The following AGBL1 variants were observed in gnomAD, a reference collection of about 807,000 sequenced individuals.
AGBL1 encodes the protein AGBL carboxypeptidase 1.
In AGBL1, 130 loss-of-function variants were observed where a neutral mutation model predicts 118.9. The observed-to-expected ratio is 1.09, with a 90% CI of 0.95 to 1.26. The LOEUF (loss-of-function observed/expected upper bound fraction) is 1.26. AGBL1 is among the 50% of genes most tolerant of loss of function. The pLI, the probability that AGBL1 is intolerant of heterozygous loss-of-function variation, is 0.00. For missense variants in AGBL1, 1,584 were observed against 1,298.1 expected, an observed-to-expected ratio of 1.22 and a Z score of -3.38; for synonymous variants, 555 against 478.9, an observed-to-expected ratio of 1.16 and a Z score of -2.08.
At chr15:86,435,775 G>A (rs1214122821) in intron 18 of AGBL1, among the ~76,000 whole-genome samples, 1 of 152,030 alleles carries the variant, frequency 6.6e-6, no homozygotes, top group African/African-American at 2.4e-5. Flanking sequence ...CAGTAAAGTC[G>A]TGAAGATAAT....
intron 7 of AGBL1, among the ~76,000 whole-genome samples, chr15:86,252,940 G>T (rs1211132991): frequency 1.3e-5 from 2 of 152,220 alleles, no homozygotes; most frequent in Non-Finnish European, 2.9e-5. Flanking sequence ...GCAAAGAGAA[G>T]GGAGAGAGGG....
At chr15:86,852,159 C>G (rs1439688920) in intron 22 of AGBL1, among the ~76,000 whole-genome samples, 1 of 152,058 alleles carries the variant, frequency 6.6e-6, no homozygotes, top group Non-Finnish European at 1.5e-5. Context: ...CTGGAGAGGC[C>G]TCAGGAAACT....
At chr15:86,784,794 G>A (rs984833679) in intron 22 of AGBL1, among the ~76,000 whole-genome samples, 1 of 152,148 alleles carries the variant, frequency 6.6e-6, no homozygotes, top group Admixed American at 6.5e-5. Context: ...TATAGCCCGA[G>A]TTCCTACAAG....
At chr15:86,557,234 A>G (rs968481655) in intron 21 of AGBL1, among the ~76,000 whole-genome samples, 2 of 152,174 alleles carry the variant, frequency 1.3e-5, no homozygotes, top group African/African-American at 4.8e-5. Flanking sequence ...TGTTGAGGAA[A>G]AAGCCAAAAT....
chr15:86,102,432 C>T (rs1896792187), intron 1 of AGBL1, among the ~76,000 whole-genome samples: 1 of 152,114 alleles, frequency 6.6e-6, no homozygotes, highest in Admixed American at 6.5e-5. Context: ...CTTTCATTTC[C>T]AGTTGTAGGA....
chr15:86,668,172 C>T (rs1040540087), intron 21 of AGBL1, among the ~76,000 whole-genome samples: 1 of 152,152 alleles, frequency 6.6e-6, no homozygotes, highest in Non-Finnish European at 1.5e-5. Context: ...CCCACCAGAC[C>T]CCACCTCCAA....
At chr15:86,798,240 C>G (rs2078601486) in intron 22 of AGBL1, among the ~76,000 whole-genome samples, 1 of 152,104 alleles carries the variant, frequency 6.6e-6, no homozygotes, top group South Asian at 2.1e-4. Context: ...ACAGAGTTGG[C>G]TTGGTAACAG....
intron 1 of AGBL1, among the ~76,000 whole-genome samples, chr15:86,122,648 A>G (rs543105993): frequency 3.3e-5 from 5 of 152,196 alleles, no homozygotes; most frequent in Non-Finnish European, 7.3e-5. Flanking sequence ...GCCATTCTAC[A>G]GGTTACGTTT....
At chr15:86,535,477 C>G (rs767436657) in intron 19 of AGBL1, among the ~76,000 whole-genome samples, 6 of 152,310 alleles carry the variant, frequency 3.9e-5, no homozygotes, top group Middle Eastern at 6.8e-3. Context: ...CTGTGCTGTT[C>G]AAGTAATTGG....
chr15:86,625,286 C>T (rs1400639514), intron 21 of AGBL1, among the ~76,000 whole-genome samples: 9 of 150,814 alleles, frequency 6.0e-5, no homozygotes. Flanking sequence ...GAAGGATTGG[C>T]CATGTCTTAT....
At chr15:86,759,357 A>G (rs1385616688) in intron 22 of AGBL1, among the ~76,000 whole-genome samples, 1 of 152,216 alleles carries the variant, frequency 6.6e-6, no homozygotes, top group African/African-American at 2.4e-5. Context: ...CAAAATATTT[A>G]GTTGCCCTCT....
chr15:86,241,982 G>C (rs1430826214), intron 6 of AGBL1, among the ~76,000 whole-genome samples: 1 of 152,162 alleles, frequency 6.6e-6, no homozygotes, highest in East Asian at 1.9e-4. Flanking sequence ...TGAATCATGA[G>C]AGTGGGTCTT....
intron 22 of AGBL1, among the ~76,000 whole-genome samples, chr15:86,759,932 A>T (rs1775711283): frequency 6.6e-6 from 1 of 152,108 alleles, no homozygotes; most frequent in Admixed American, 6.6e-5. Flanking sequence ...GCATTCTGAC[A>T]TTTGGAAAAA....
chr15:86,617,413 A>C (rs547082313), intron 21 of AGBL1, among the ~76,000 whole-genome samples: 28 of 152,316 alleles, frequency 1.8e-4, no homozygotes, highest in Non-Finnish European at 3.4e-4. Context: ...CTCTGACTAA[A>C]GTCAGAATGA....
intron 1 of AGBL1, among the ~76,000 whole-genome samples, chr15:86,121,672 G>C (rs767668872): frequency 2.6e-5 from 4 of 152,180 alleles, no homozygotes; most frequent in Non-Finnish European, 2.9e-5. Context: ...AGGAACCCAC[G>C]TTTCTAAAAG....
At chr15:86,636,157 C>T (rs548212583) in intron 21 of AGBL1, among the ~76,000 whole-genome samples, 6 of 152,248 alleles carry the variant, frequency 3.9e-5, no homozygotes, top group South Asian at 2.1e-4. Context: ...GTGGCAGTAT[C>T]GGAGAGGGGA....
chr15:86,942,154 C>T (rs779714772), intron 23 of AGBL1, among the ~76,000 whole-genome samples: 29 of 152,278 alleles, frequency 1.9e-4, no homozygotes, highest in African/African-American at 2.9e-4. Context: ...CACACACATA[C>T]GCAAAACATT....
chr15:86,189,112 A>C (rs1465500163), intron 5 of AGBL1, among the ~76,000 whole-genome samples: 7 of 152,238 alleles, frequency 4.6e-5, no homozygotes, highest in Non-Finnish European at 1.0e-4. Flanking sequence ...CAATTTCCTT[A>C]CTAAATTTGT....
At chr15:87,021,464 G>A (rs546086634) in intron 24 of AGBL1, among the ~76,000 whole-genome samples, 3 of 151,870 alleles carry the variant, frequency 2.0e-5, no homozygotes, top group Non-Finnish European at 2.9e-5. Flanking sequence ...AAGCACAAAA[G>A]CAATTGCAAC....
Sources: gnomAD v4.1 joint callset for allele counts (sites outside exome capture counted in the v4.1 genomes callset) on GRCh38, gnomAD v4.1.1 for gene constraint, MANE v1.5 for transcripts, NCBI Gene and HGNC (gene_info 2026-07-23, HGNC 2026-07-21) for gene names.